The following CDYL2 variants were observed in gnomAD, a reference collection of about 807,000 sequenced individuals.
CDYL2 encodes the protein chromodomain Y-like protein 2.
In CDYL2, 23 loss-of-function variants were observed where a neutral mutation model predicts 49.4. The ratio of observed to expected loss-of-function variants is 0.47; its 90% CI spans 0.34 to 0.66. CDYL2 has a LOEUF of 0.66. Among genes scored for constraint, CDYL2 ranks in the 30% least tolerant of loss-of-function variants. The pLI, the probability that CDYL2 is intolerant of heterozygous loss-of-function variation, is 0.01. For synonymous variants in CDYL2, 360 were observed against 268.8 expected (o/e 1.34, Z -3.32); for missense variants, 678 against 656.4 (o/e 1.03, Z -0.36).
chr16:80,632,518 T>C (rs763608469), intron 3 of CDYL2: 3 of 158,550 alleles, frequency 1.9e-5, no homozygotes, highest in Non-Finnish European at 2.8e-5. Flanking sequence ...TGTGAATATA[T>C]TAAAAATCAC....
intron 1 of CDYL2, among the ~76,000 whole-genome samples, chr16:80,802,753 T>C (rs2142427809): frequency 6.6e-6 from 1 of 152,256 alleles, no homozygotes; most frequent in South Asian, 2.1e-4. Context: ...CTTTCTCCAT[T>C]CTTCTTCTCT....
At chr16:80,752,414 C>G (rs547551222) in intron 1 of CDYL2, among the ~76,000 whole-genome samples, 135 of 152,122 alleles carry the variant, frequency 8.9e-4, no homozygotes, top group South Asian at 3.7e-3. Flanking sequence ...CATCGAGTCA[C>G]AAAATCCCAA....
chr16:80,767,063 G>C (rs906654007), intron 1 of CDYL2, among the ~76,000 whole-genome samples: 7 of 152,024 alleles, frequency 4.6e-5, no homozygotes, highest in Admixed American at 1.3e-4. Flanking sequence ...TTATCAGTGT[G>C]GTCCCAGAAC....
chr16:80,604,082 C>T lies in CDYL2; in HGVS notation c.*306G>A, dbSNP rs78807179. On this transcript the variant is annotated 3_prime_UTR_variant, in exon 7 of 7. Coordinates refer to ENST00000570137, the MANE Select transcript of CDYL2 (RefSeq NM_152342.4). ...GAAAGTGGTCTTCCCCTTCCTGGAC[C>T]GTCATGGTGCATTTCAGCAAGTGGG... The T allele has an allele frequency of 7.8e-3, 2,839 of 363,678 alleles. 47 individuals are homozygous for T. The highest frequency in any genetic ancestry group is 0.048 in the African/African-American group (2,369 of 49,044). The allele number at this position is 363,678 out of a possible 1,614,324, so 22.5% of individuals were successfully genotyped here.
At chr16:80,669,082 T>C (rs954354959) in intron 2 of CDYL2, among the ~76,000 whole-genome samples, 5 of 151,920 alleles carry the variant, frequency 3.3e-5, no homozygotes, top group South Asian at 2.1e-4. Flanking sequence ...TATACCACAC[T>C]GACAAATTTG....
At chr16:80,784,844 T>G (rs7192916) in intron 1 of CDYL2, among the ~76,000 whole-genome samples, 4,055 of 152,224 alleles carry the variant, frequency 0.027, 178 homozygotes, top group African/African-American at 0.093. Context: ...AGGTCTATCC[T>G]GGTCTGGGGG....
intron 1 of CDYL2, among the ~76,000 whole-genome samples, chr16:80,714,499 T>A (rs546749933): frequency 1.3e-5 from 2 of 152,236 alleles, no homozygotes; most frequent in East Asian, 1.9e-4. Flanking sequence ...AATAAAAAAA[T>A]TTAAAATAAA....
chr16:80,613,024 G>T (rs1262560817), intron 4 of CDYL2, among the ~76,000 whole-genome samples, 188 bp from the exon 5 acceptor site: 1 of 152,090 alleles, frequency 6.6e-6, no homozygotes, highest in Non-Finnish European at 1.5e-5. Flanking sequence ...TACTGATGGG[G>T]TCACTGCATG....
At chr16:80,795,141 GGA>G (rs1192248812) in intron 1 of CDYL2, among the ~76,000 whole-genome samples, 1 of 152,114 alleles carries the variant, frequency 6.6e-6, no homozygotes, top group Admixed American at 6.5e-5. Flanking sequence ...TGAAAATCAA[GGA>G]GAAAAGTTCC....
At chr16:80,672,076 TA>T (rs1338661314) in intron 2 of CDYL2, among the ~76,000 whole-genome samples, 3 of 152,190 alleles carry the variant, frequency 2.0e-5, no homozygotes, top group African/African-American at 7.2e-5. Flanking sequence ...CCTAATCTGA[TA>T]ATTGAATGCT....
chr16:80,678,262 G>T (rs1205561291), intron 2 of CDYL2, among the ~76,000 whole-genome samples: 1 of 152,124 alleles, frequency 6.6e-6, no homozygotes, highest in Non-Finnish European at 1.5e-5. Context: ...TTGACAAATG[G>T]GATCTAATTA....
At chr16:80,666,076 G>A (rs540666991) in intron 2 of CDYL2, among the ~76,000 whole-genome samples, 18 of 152,240 alleles carry the variant, frequency 1.2e-4, no homozygotes, top group African/African-American at 4.3e-4. Flanking sequence ...CTCATGAGGC[G>A]CCAGGACCCA....
chr16:80,804,671 G>C (rs996207699), upstream of CDYL2, among the ~76,000 whole-genome samples: 1 of 146,196 alleles, frequency 6.8e-6, no homozygotes, highest in African/African-American at 2.5e-5. Context: ...GCCCGGCCGC[G>C]CCCCGGGGGA....
At chr16:80,791,234 C>G (rs936925917) in intron 1 of CDYL2, among the ~76,000 whole-genome samples, 4 of 152,134 alleles carry the variant, frequency 2.6e-5, no homozygotes, top group African/African-American at 7.2e-5. Flanking sequence ...GAAACACATT[C>G]AAGAATTAAG....
intron 1 of CDYL2, among the ~76,000 whole-genome samples, chr16:80,776,547 T>A (rs1907088378): frequency 6.6e-6 from 1 of 151,082 alleles, no homozygotes; most frequent in African/African-American, 2.4e-5. Flanking sequence ...TCCATACACT[T>A]CCATCCATCT....
In CDYL2 at chr16:80,601,589, T is replaced by G. The variant is rs1453977292; in HGVS notation, c.*2799A>C. On this transcript the variant is annotated 3_prime_UTR_variant, in exon 7 of 7. Coordinates refer to ENST00000570137, the MANE Select transcript of CDYL2 (RefSeq NM_152342.4). The stretch of plus-strand genomic sequence containing the variant: ...CTCTGTCTCAGGAAAGCTATTAGGA[T>G]AAACCCTGACACAACCAGAGGTCTG... 1 of 152,130 alleles carries G rather than the reference T, an allele frequency of 6.6e-6. No individual in the cohort carries two copies. The highest frequency in any genetic ancestry group is 1.9e-4 in the East Asian group (1 of 5,190). 9.4% of individuals were successfully genotyped at this position (152,130 alleles called of 1,614,324 possible). A position where few individuals can be genotyped will look rare whatever the true frequency, so the allele number is the denominator to read the frequency against.
At chr16:80,709,506 G>C (rs1234472240) in intron 1 of CDYL2, among the ~76,000 whole-genome samples, 1 of 151,372 alleles carries the variant, frequency 6.6e-6, no homozygotes, top group Admixed American at 6.6e-5. Flanking sequence ...AGCACTAGAT[G>C]AATGCAGAAA....
In CDYL2 at chr16:80,639,715, G is replaced by A. The variant is rs984399669; in HGVS notation, c.617-6479C>T. On this transcript the variant is annotated intron_variant, in intron 2 of 6. Coordinates refer to ENST00000570137, the MANE Select transcript of CDYL2 (RefSeq NM_152342.4). ...TATTGCTGAAAGAAGCACCGAAGAG[G>A]TAAGAAAAACAGTCTTGAATCACAA... 20 of 455,890 alleles carry A rather than the reference G, an allele frequency of 4.4e-5. No homozygotes were observed. In the Admixed American group the frequency reaches 4.5e-4, roughly 10 times the overall value. The allele number at this position is 455,890 out of a possible 1,614,324, so 28.2% of individuals were successfully genotyped here. A position where few individuals can be genotyped will look rare whatever the true frequency, so the allele number is the denominator to read the frequency against.
At chr16:80,679,772 G>A (rs770663540) in intron 2 of CDYL2, 28 of 455,852 alleles carry the variant, frequency 6.1e-5, no homozygotes, top group Middle Eastern at 3.2e-4. Flanking sequence ...TTTCATCTCC[G>A]CCATCTTGGA....
Sources: allele counts gnomAD v4.1 joint callset (sites outside exome capture counted in the v4.1 genomes callset), GRCh38; gene constraint gnomAD v4.1.1; transcripts MANE v1.5; gene names NCBI Gene and HGNC (gene_info 2026-07-23, HGNC 2026-07-21).